DIXDC1: variants seen among roughly 807,000 people sequenced by gnomAD.
DIXDC1 encodes DIX domain containing 1.
DIXDC1 carries 64 observed loss-of-function variants against 103.1 expected under a neutral mutation model. The ratio of observed to expected loss-of-function variants is 0.62; its 90% CI spans 0.51 to 0.76. The LOEUF is 0.76. DIXDC1 is among the 30% of genes least tolerant of loss of function. The probability of loss-of-function intolerance (pLI) is 0.00; values close to 1 mark genes in which losing one functional copy is unlikely to be tolerated. For missense variants in DIXDC1, 759 were observed against 834.2 expected (o/e 0.91, Z 1.11); for synonymous variants, 266 against 298.5 (o/e 0.89, Z 1.12).
intron 3 of DIXDC1, among the ~76,000 whole-genome samples, chr11:111,970,523 G>A (rs587610648): frequency 1.3e-5 from 2 of 152,174 alleles, no homozygotes; most frequent in South Asian, 4.2e-4. Context: ...TTAGCTGGGT[G>A]TGGTGGTGCA....
At chr11:111,944,496 AG>A (rs2137453209) in intron 1 of DIXDC1, among the ~76,000 whole-genome samples, 1 of 152,374 alleles carries the variant, frequency 6.6e-6, no homozygotes, top group East Asian at 1.9e-4. Context: ...TTTGGAAGGA[AG>A]GGCAGGTCCC....
intron 3 of DIXDC1, among the ~76,000 whole-genome samples, chr11:111,973,538 G>A (rs1193566394): frequency 6.6e-6 from 1 of 152,180 alleles, no homozygotes; most frequent in African/African-American, 2.4e-5. Flanking sequence ...TTTCATTTCA[G>A]ACTAGTGACT....
In DIXDC1 at chr11:111,977,253, G is replaced by A; in HGVS notation, c.656+2270G>A. 1.0e-6 allele frequency: 1 copy of A among 1,002,934 alleles called. No individual in the cohort carries two copies. The highest frequency in any genetic ancestry group is 1.2e-6 in the Non-Finnish European group (1 of 841,858). The allele number at this position is 1,002,934 out of a possible 1,614,324, so 62.1% of individuals were successfully genotyped here. A position where few individuals can be genotyped will look rare whatever the true frequency, so the allele number is the denominator to read the frequency against. On this transcript the variant is annotated intron_variant, in intron 5 of 19. Transcript: ENST00000440460. The surrounding 1 kb of genome is among the most constrained non-coding windows in gnomAD (Gnocchi z 6.1). Reference sequence around the variant, plus strand: ...CGGAGCTGGCTTGGGTCGGAGCCCGGCTGCCTCGCCGCGTGTGACAGCCCA... The same window carrying A: ...CGGAGCTGGCTTGGGTCGGAGCCCGACTGCCTCGCCGCGTGTGACAGCCCA...
chr11:112,008,468 C>G (rs1323969171), intron 17 of DIXDC1, among the ~76,000 whole-genome samples: 1 of 152,200 alleles, frequency 6.6e-6, no homozygotes, highest in African/African-American at 2.4e-5. Context: ...TAATAGACAT[C>G]TACAGAACTC....
chr11:111,984,403 C>T (rs145195232), intron 7 of DIXDC1, among the ~76,000 whole-genome samples: 3 of 152,128 alleles, frequency 2.0e-5, no homozygotes, highest in South Asian at 2.1e-4. Flanking sequence ...AAAAATTAGC[C>T]GGGTGTGGTG....
At chr11:112,013,896 G>A (rs587696884) in intron 17 of DIXDC1, among the ~76,000 whole-genome samples, 67 of 152,232 alleles carry the variant, frequency 4.4e-4, no homozygotes, top group African/African-American at 1.4e-3. Flanking sequence ...AGCCTCAATC[G>A]GCTTTCACTC....
At chr11:111,943,224 C>T (rs1242719507) in intron 1 of DIXDC1, among the ~76,000 whole-genome samples, 2 of 152,194 alleles carry the variant, frequency 1.3e-5, no homozygotes. Context: ...GCAACCTCCA[C>T]CTCGCACCTC....
At chr11:111,981,795 T>A (rs587735828) in intron 6 of DIXDC1, among the ~76,000 whole-genome samples, 3 of 152,332 alleles carry the variant, frequency 2.0e-5, no homozygotes, top group Non-Finnish European at 4.4e-5. Flanking sequence ...AAAGAGACCT[T>A]AAAGCTAGGA....
intron 17 of DIXDC1, among the ~76,000 whole-genome samples, chr11:112,016,455 G>A (rs1861592593): frequency 6.6e-6 from 1 of 152,118 alleles, no homozygotes; most frequent in Non-Finnish European, 1.5e-5. Context: ...ATCAGTTGCT[G>A]TTCCCCTACT....
In DIXDC1 at chr11:111,977,455, G is replaced by A; in HGVS notation, c.656+2472G>A. ...ACCGTGCGTCCGCGGAGGCCAAGAT[G>A]CAGCGGCCAGGGGCCGGCAGCCTGC... On this transcript the variant is annotated intron_variant, in intron 5 of 19. Coordinates refer to ENST00000440460, the MANE Select transcript of DIXDC1 (RefSeq NM_001037954.4). The surrounding 1 kb of genome is among the most constrained non-coding windows in gnomAD (Gnocchi z 6.1). 3 of 1,269,472 alleles carry A rather than the reference G, an allele frequency of 2.4e-6. No homozygotes were observed. Among genetic ancestry groups the A allele is most frequent in the Middle Eastern group, 3.1e-4 (1 of 3,218 alleles). The allele number at this position is 1,269,472 out of a possible 1,614,324, so 78.6% of individuals were successfully genotyped here.
Position 111,977,707 on chromosome 11 carries a change from GACT to G in DIXDC1, c.656+2725_656+2727del, listed in dbSNP as rs782084646. ...ACATGCCTGAATTTGGGAGCGATGT[GACT>G]CTCAGCCTCCCACTTCACCCGGGGA... is the stretch of plus-strand genomic sequence containing the variant. On this transcript the variant is annotated intron_variant, in intron 5 of 19. Coordinates refer to ENST00000440460, the MANE Select transcript of DIXDC1 (RefSeq NM_001037954.4). This position sits in a 1 kb window ranked among gnomAD's most constrained non-coding sequence, Gnocchi z 6.1. 5 of 1,546,798 alleles carry G rather than the reference GACT, an allele frequency of 3.2e-6. No individual in the cohort carries two copies. The East Asian group carries it at 7.5e-5, about 23-fold the overall frequency.
rs1861616982 is a variant in DIXDC1, at chr11:112,017,141, A to T, written c.1862+345A>T. The stretch of plus-strand genomic sequence containing the variant: ...TACAATGGATTGCAGCCTGGCACTC[A>T]CTCCAGGACTATGACTAATTGATCT... On this transcript the variant is annotated intron_variant, in intron 18 of 19. Transcript: ENST00000440460. The surrounding 1 kb of genome is among the most constrained non-coding windows in gnomAD (Gnocchi z 4.0). 6.6e-6 allele frequency among the ~76,000 whole-genome samples: 1 copy of T among 151,396 alleles called. No homozygotes were observed. Among genetic ancestry groups the T allele is most frequent in the African/African-American group, 2.4e-5 (1 of 41,162 alleles).
chr11:111,994,915 A>T, intron 14 of DIXDC1, 104 bp from the exon 15 acceptor site: 1 of 1,067,718 alleles, frequency 9.4e-7, no homozygotes, highest in Non-Finnish European at 1.4e-6. Context: ...ACAGACAATT[A>T]TATACTTCAT....
At chr11:111,972,515 A>C (rs1859969217) in intron 3 of DIXDC1, among the ~76,000 whole-genome samples, 1 of 152,178 alleles carries the variant, frequency 6.6e-6, no homozygotes, top group Admixed American at 6.5e-5. Flanking sequence ...CTAAGAGTAC[A>C]TATACTCATG....
chr11:112,003,062 T>A (rs782412894), intron 17 of DIXDC1, among the ~76,000 whole-genome samples: 1 of 151,824 alleles, frequency 6.6e-6, no homozygotes. Flanking sequence ...AGATAGAGAG[T>A]TGATTGGTGG....
At chr11:112,002,923 C>T (rs956876874) in intron 17 of DIXDC1, among the ~76,000 whole-genome samples, 1 of 152,138 alleles carries the variant, frequency 6.6e-6, no homozygotes, top group Non-Finnish European at 1.5e-5. Flanking sequence ...AGCATAAAAT[C>T]CTTTCTTTTG....
At chr11:111,950,462 T>G (rs1464368456) in intron 1 of DIXDC1, among the ~76,000 whole-genome samples, 1 of 82,530 alleles carries the variant, frequency 1.2e-5, no homozygotes, top group African/African-American at 4.3e-5. Context: ...TTTTTTTTTT[T>G]TTTTTTTTTT....
At chr11:111,953,169 A>G (rs1221351780) in intron 1 of DIXDC1, among the ~76,000 whole-genome samples, 1 of 152,214 alleles carries the variant, frequency 6.6e-6, no homozygotes, top group African/African-American at 2.4e-5. Context: ...ACATACATGT[A>G]TCTGTTATTT....
At chr11:111,952,423 G>A (rs1382574927) in intron 1 of DIXDC1, among the ~76,000 whole-genome samples, 1 of 152,162 alleles carries the variant, frequency 6.6e-6, no homozygotes, top group African/African-American at 2.4e-5. Flanking sequence ...TGGTTTACAG[G>A]CAGTAGTTTA....
Sources: allele counts gnomAD v4.1 joint callset (sites outside exome capture counted in the v4.1 genomes callset), GRCh38; gene constraint gnomAD v4.1.1; non-coding constraint Gnocchi (gnomAD v3.1); transcripts MANE v1.5; gene names NCBI Gene and HGNC (gene_info 2026-07-23, HGNC 2026-07-21).